The following ZNF182 variants were observed in gnomAD, a reference collection of about 807,000 sequenced individuals.
ZNF182 encodes the protein zinc finger protein 182.
A neutral mutation model predicts 28.1 loss-of-function variants in ZNF182; 10 were observed. The observed-to-expected ratio is 0.36, with a 90% CI of 0.22 to 0.60. ZNF182 has a LOEUF of 0.60. Ranked by LOEUF, ZNF182 falls within the 20% of genes least tolerant of loss-of-function variation. ZNF182 has a pLI of 0.75. For missense variants in ZNF182, 352 were observed against 453.2 expected (o/e 0.78, Z 2.03); for synonymous variants, 156 against 158.7 (o/e 0.98, Z 0.13).
At chrX:47,995,319 G>A (rs1371589582) in intron 3 of ZNF182, among the ~76,000 whole-genome samples, 1 of 111,364 alleles carries the variant, frequency 9.0e-6, no homozygotes, top group Non-Finnish European at 1.9e-5. Context: ...GCGACAGAGC[G>A]AGACGCTGTC....
At chrX:47,999,991 C>T (rs2058973239) in intron 3 of ZNF182, among the ~76,000 whole-genome samples, 1 of 109,959 alleles carries the variant, frequency 9.1e-6, no homozygotes, top group African/African-American at 3.3e-5. Flanking sequence ...CAAAAATTAG[C>T]CAGGTGTGGT....
rs1317820344 is a variant in ZNF182, at chrX:47,975,339, A to C, written c.*828T>G. On this transcript the variant is annotated 3_prime_UTR_variant, in exon 6 of 6. Coordinates refer to ENST00000376943, the MANE Select transcript of ZNF182 (RefSeq NM_001007088.2). ...ATACTGTATGTTCATCATTTTGTAC[A>C]TGTGTGAGTATGTACATTCCTAGAA... 1 of 111,939 alleles carries C rather than the reference A, an allele frequency of 8.9e-6. No individual in the cohort carries two copies. Among genetic ancestry groups the C allele is most frequent in the African/African-American group, 3.3e-5 (1 of 30,655 alleles). The allele number at this position is 111,939 out of a possible 1,213,427, so 9.2% of individuals were successfully genotyped here. A position where few individuals can be genotyped will look rare whatever the true frequency, so the allele number is the denominator to read the frequency against.
intron 3 of ZNF182, among the ~76,000 whole-genome samples, chrX:47,986,138 T>C (rs1489999070): frequency 8.9e-6 from 1 of 112,189 alleles, no homozygotes; most frequent in African/African-American, 3.2e-5. Context: ...AATGAAGGTT[T>C]GGGTCACTCT....
rs1255668046 is a variant in ZNF182 at position 47,975,895 on chromosome X, TCTCA to T, written c.*268_*271del. 3.7e-6 allele frequency: 1 copy of T among 270,083 alleles called. No individual in the cohort carries two copies. Among genetic ancestry groups the T allele is most frequent in the Non-Finnish European group, 6.5e-6 (1 of 154,492 alleles). The allele number at this position is 270,083 out of a possible 1,213,427, so 22.3% of individuals were successfully genotyped here. On this transcript the variant is annotated 3_prime_UTR_variant, in exon 6 of 6. Transcript: ENST00000376943. ...GTCTTGCACCTGCAGCCTTGAGCAC[TCTCA>T]CTCTGAAATCTCCTGCACCAGTGCT...
At chrX:47,998,872 A>C (rs989242793) in intron 3 of ZNF182, among the ~76,000 whole-genome samples, 1 of 110,513 alleles carries the variant, frequency 9.0e-6, no homozygotes, top group East Asian at 2.8e-4. Flanking sequence ...AAAAAAAAAA[A>C]AGAATCACCA....
Position 47,994,919 on chromosome X carries a change from G to A in ZNF182, c.15+7676C>T, listed in dbSNP as rs891293471. ...CTCCCAAAGTGCTGGGATTACAGGC[G>A]TGAGCCACTGCACCTGGCCAACTGT... On this transcript the variant is annotated intron_variant, in intron 3 of 5. Transcript: ENST00000376943. Among the ~76,000 whole-genome samples the A allele has an allele frequency of 3.7e-3, 406 of 110,225 alleles. 3 individuals are homozygous for A. The highest frequency in any genetic ancestry group is 3.1e-3 in the Non-Finnish European group (161 of 52,633).
Position 47,977,337 on chromosome X carries a change from A to G in ZNF182, c.693T>C (p.Ile231=), listed in dbSNP as rs1172368624. ...CTCCCGTATGAGTTCTCCAATGTACAATGAGGTGTGACTTCTTGCTGAAGG... is the reference window on the plus strand; with the variant it reads ...CTCCCGTATGAGTTCTCCAATGTACGATGAGGTGTGACTTCTTGCTGAAGG... ...RKTFSKKSHL[I]VHWRTHTGEK... Residue 231 remains isoleucine, a synonymous_variant, in exon 6 of 6, where the codon ATT becomes ATC. Coordinates refer to ENST00000376943, the MANE Select transcript of ZNF182 (RefSeq NM_001007088.2). 1.7e-6 allele frequency: 2 copies of G among 1,206,421 alleles called. No homozygotes were observed. The highest frequency in any genetic ancestry group is 3.5e-5 in the African/African-American group (2 of 57,087).
intron 3 of ZNF182, among the ~76,000 whole-genome samples, chrX:47,997,692 T>C (rs1370012055): frequency 9.0e-6 from 1 of 111,023 alleles, no homozygotes; most frequent in Non-Finnish European, 1.9e-5. Flanking sequence ...CTTAGGAGGC[T>C]GAGGCAGGAG....
chrX:47,982,887 T>G, intron 5 of ZNF182, 62 bp downstream of exon 5: 1 of 1,072,083 alleles, frequency 9.3e-7, no homozygotes, highest in Non-Finnish European at 1.3e-6. Flanking sequence ...TCAGAGGGCC[T>G]CACCTCTGAC....
At chrX:47,980,325 T>C (rs1336027350) in intron 5 of ZNF182, among the ~76,000 whole-genome samples, 1 of 92,182 alleles carries the variant, frequency 1.1e-5, no homozygotes, top group African/African-American at 3.8e-5. Flanking sequence ...TAGGGAAAGG[T>C]TGGTAAATGG....
Position 47,981,313 on chromosome X carries a change from A to C in ZNF182, c.232+1636T>G, listed in dbSNP as rs782467983. ...CACCAGAAAGCAAGGAAGCTACCAAAGACTCAGGAGCCAACTTGAAGGAGA... is the reference window on the plus strand; with the variant it reads ...CACCAGAAAGCAAGGAAGCTACCAACGACTCAGGAGCCAACTTGAAGGAGA... On this transcript the variant is annotated intron_variant, in intron 5 of 5. Transcript: ENST00000376943. Among the ~76,000 whole-genome samples the C allele has an allele frequency of 5.4e-5, 6 of 112,123 alleles. No individual in the cohort carries two copies. In the East Asian group the frequency reaches 1.7e-3, roughly 32 times the overall value.
intron 3 of ZNF182, among the ~76,000 whole-genome samples, chrX:47,995,539 C>T (rs1174541754): frequency 9.0e-6 from 1 of 110,987 alleles, no homozygotes; most frequent in African/African-American, 3.3e-5. Flanking sequence ...TGGGACAATA[C>T]CAAAAGGTCC....
intron 3 of ZNF182, among the ~76,000 whole-genome samples, chrX:47,994,644 T>C (rs1463117759): frequency 2.7e-5 from 3 of 111,471 alleles, no homozygotes; most frequent in Non-Finnish European, 5.7e-5. Context: ...CAATCATACT[T>C]TTTTGTGTGT....
chrX:48,003,156 G>T (rs1461311978), intron 2 of ZNF182, among the ~76,000 whole-genome samples: 1 of 111,928 alleles, frequency 8.9e-6, no homozygotes, highest in Non-Finnish European at 1.9e-5. Flanking sequence ...ATCCTAAGGT[G>T]AATTACAAAG....
intron 2 of ZNF182, 51 bp downstream of exon 2, chrX:48,003,457 G>T (rs1186254329): frequency 8.9e-6 from 1 of 112,312 alleles, no homozygotes; most frequent in Non-Finnish European, 1.9e-5. Flanking sequence ...ACTTGGGCGA[G>T]GCCCGGGGTC....
chrX:48,002,656 G>C lies in ZNF182; in HGVS notation c.-44-3C>G, dbSNP rs1556902052. ...AGCAGAGATGTGTGACGGCCGAGCT[G>C]GAACAAGTGGAGAAGAGTACAGCAG... On this transcript the variant is annotated splice_region_variant and splice_polypyrimidine_tract_variant and intron_variant, in intron 2 of 5. Coordinates refer to ENST00000376943, the MANE Select transcript of ZNF182 (RefSeq NM_001007088.2). 3 of 1,202,444 alleles carry C rather than the reference G, an allele frequency of 2.5e-6. No homozygotes were observed. The highest frequency in any genetic ancestry group is 3.6e-5 in the South Asian group (2 of 55,577).
intron 3 of ZNF182, 65 bp from the exon 4 acceptor site, chrX:47,983,476 G>A (rs2058913539): frequency 1.8e-6 from 2 of 1,101,628 alleles, no homozygotes; most frequent in Admixed American, 5.8e-5. Flanking sequence ...AAAATGCACG[G>A]GAACTTCTGA....
rs1385478964 is a variant in ZNF182, at chrX:47,975,922, G to A, written c.*245C>T. ...TCACTCTGAAATCTCCTGCACCAGT[G>A]CTTCATTTCCTCTGCCTGTGGCAGC... On this transcript the variant is annotated 3_prime_UTR_variant, in exon 6 of 6. Coordinates refer to ENST00000376943, the MANE Select transcript of ZNF182 (RefSeq NM_001007088.2). 1 of 304,560 alleles carries A rather than the reference G, an allele frequency of 3.3e-6. No homozygotes were observed. Among genetic ancestry groups the A allele is most frequent in the African/African-American group, 2.7e-5 (1 of 36,547 alleles). The allele number at this position is 304,560 out of a possible 1,213,427, so 25.1% of individuals were successfully genotyped here. A position where few individuals can be genotyped will look rare whatever the true frequency, so the allele number is the denominator to read the frequency against.
Position 47,983,317 on chromosome X carries a change from A to C in ZNF182, c.110T>G (p.Met37Arg). 1 of 1,211,676 alleles carries C rather than the reference A, an allele frequency of 8.3e-7. No homozygotes were observed. Among genetic ancestry groups the C allele is most frequent in the Non-Finnish European group, 1.1e-6 (1 of 895,449 alleles). Residue 37 changes from methionine to arginine, a missense_variant, in exon 4 of 6, where the codon ATG becomes AGG. By Grantham distance (91) the Met-to-Arg change is moderately conservative (BLOSUM62 -1). Transcript: ENST00000376943. The part of the protein sequence containing the change: ...PPQRTLYRDV[M>R]LETYSNLVFV... ...GACCAAGTTGCTGTAGGTCTCCAGC[A>C]TCACGTCTCTGTACAGGGTCCTCTG...
Sources: gnomAD v4.1 joint callset for allele counts (sites outside exome capture counted in the v4.1 genomes callset) on GRCh38, gnomAD v4.1.1 for gene constraint, MANE v1.5 for transcripts, NCBI Gene and HGNC (gene_info 2026-07-23, HGNC 2026-07-21) for gene names.